SLC4A4: variants seen among roughly 807,000 people sequenced by gnomAD.
SLC4A4 encodes electrogenic sodium bicarbonate cotransporter 1.
SLC4A4 carries 27 observed loss-of-function variants against 111.5 expected under a neutral mutation model. The ratio of observed to expected loss-of-function variants is 0.24; its 90% CI spans 0.18 to 0.33. SLC4A4 has a LOEUF of 0.33. Among genes scored for constraint, SLC4A4 ranks in the 10% least tolerant of loss-of-function variants. The probability of loss-of-function intolerance (pLI) is 1.00; values close to 1 mark genes in which losing one functional copy is unlikely to be tolerated. For missense variants in SLC4A4, 909 were observed against 1,315.5 expected, an observed-to-expected ratio of 0.69 and a Z score of 4.78; for synonymous variants, 443 against 463.4, an observed-to-expected ratio of 0.96 and a Z score of 0.57.
chr4:71,311,371 C>A (rs1274321898), intron 3 of SLC4A4, among the ~76,000 whole-genome samples: 1 of 152,098 alleles, frequency 6.6e-6, no homozygotes, highest in Non-Finnish European at 1.5e-5. Context: ...AACTCTCCAC[C>A]CCAAATTAAC....
At chr4:71,434,615 A>G (rs1038656763) in intron 7 of SLC4A4, 4 of 152,150 alleles carry the variant, frequency 2.6e-5, no homozygotes, top group African/African-American at 9.7e-5. Context: ...GATTATTCAA[A>G]GAGGAAGTCA....
At chr4:71,102,974 G>T (rs1742803873) in intron 2 of SLC4A4, among the ~76,000 whole-genome samples, 1 of 149,170 alleles carries the variant, frequency 6.7e-6, no homozygotes, top group Non-Finnish European at 1.5e-5. Context: ...ACACAGACTG[G>T]CAAATTGGAT....
chr4:71,374,649 TATAA>T (rs1186512876), intron 6 of SLC4A4, among the ~76,000 whole-genome samples: 1 of 152,206 alleles, frequency 6.6e-6, no homozygotes, highest in Non-Finnish European at 1.5e-5. Flanking sequence ...TTTAGACAAC[TATAA>T]ATAGAGAAAA....
At chr4:71,295,427 T>G (rs922935586) in intron 3 of SLC4A4, among the ~76,000 whole-genome samples, 3 of 152,166 alleles carry the variant, frequency 2.0e-5, no homozygotes, top group African/African-American at 7.2e-5. Context: ...CAGAAGAAAT[T>G]TTCAGAGGTT....
chr4:71,361,689 C>A (rs2148919042), intron 6 of SLC4A4, among the ~76,000 whole-genome samples: 1 of 152,254 alleles, frequency 6.6e-6, no homozygotes, highest in Middle Eastern at 3.4e-3. Flanking sequence ...TCAGCAATTT[C>A]ATATGATTCT....
chr4:71,193,727 T>C (rs1745859673), intron 1 of SLC4A4, among the ~76,000 whole-genome samples: 1 of 152,226 alleles, frequency 6.6e-6, no homozygotes, highest in Non-Finnish European at 1.5e-5. Context: ...TCTACACTTT[T>C]TCGTAAAGTA....
At chr4:71,214,207 C>G (rs1456578306) in intron 1 of SLC4A4, among the ~76,000 whole-genome samples, 1 of 152,158 alleles carries the variant, frequency 6.6e-6, no homozygotes, top group Non-Finnish European at 1.5e-5. Context: ...GGCCTCCTAA[C>G]TTGGTTTACA....
At chr4:71,350,419 C>A (rs1164836679) in intron 5 of SLC4A4, among the ~76,000 whole-genome samples, 1 of 151,500 alleles carries the variant, frequency 6.6e-6, no homozygotes, top group Non-Finnish European at 1.5e-5. Flanking sequence ...ACTCTGTTGC[C>A]CAGGCTGGAG....
chr4:71,098,670 C>T (rs979566540), intron 2 of SLC4A4, among the ~76,000 whole-genome samples: 1 of 152,040 alleles, frequency 6.6e-6, no homozygotes, highest in Non-Finnish European at 1.5e-5. Flanking sequence ...TGCATAGTGG[C>T]AAGCTAGATA....
rs558652833 is a variant in SLC4A4, at chr4:71,433,850, A to T, written c.808-6766A>T. Among the ~76,000 whole-genome samples the T allele has an allele frequency of 3.3e-5, 5 of 152,224 alleles. No individual in the cohort carries two copies. In the South Asian group the frequency reaches 1.0e-3, roughly 32 times the overall value. On this transcript the variant is annotated intron_variant, in intron 7 of 25. Transcript: ENST00000264485. ...GCAGAGATATTTATAACTGCCAAAT[A>T]GTAGGATGTATAAGTTGTGGTATAT...
chr4:71,348,313 TCACACACACACA>T (rs35326504), intron 4 of SLC4A4, among the ~76,000 whole-genome samples: 74 of 143,834 alleles, frequency 5.1e-4, no homozygotes, highest in African/African-American at 1.6e-3. Context: ...ACTAATTTAG[TCACACACACACA>T]CACACACACA....
chr4:71,159,367 A>AT (rs1208959757), intron 2 of SLC4A4, among the ~76,000 whole-genome samples: 2 of 151,748 alleles, frequency 1.3e-5, no homozygotes, highest in Admixed American at 6.6e-5. Context: ...TAAATATTTT[A>AT]TTTTTTTTAA....
At position 71,106,344 on chromosome 4, in the gene SLC4A4, C is replaced by A. The variant is rs969294949; in HGVS notation, c.-2+13552C>A. ...TTGGTGGGATTGTAAACTAGTTCAA[C>A]CGTTGTGGAAGTCAGTGTGGCGACT... On this transcript the variant is annotated intron_variant, in intron 2 of 26. Transcript: ENST00000649996. Among the ~76,000 whole-genome samples, 3 of 151,264 alleles carry A rather than the reference C, an allele frequency of 2.0e-5. No homozygotes were observed. The South Asian group carries it at 6.3e-4, about 32-fold the overall frequency.
At chr4:71,162,038 T>C (rs1744627539) in intron 2 of SLC4A4, among the ~76,000 whole-genome samples, 1 of 152,206 alleles carries the variant, frequency 6.6e-6, no homozygotes, top group Non-Finnish European at 1.5e-5. Flanking sequence ...CTAGTGCTTA[T>C]TTTCATGCCA....
chr4:71,505,179 T>C (rs1393147044), intron 16 of SLC4A4, among the ~76,000 whole-genome samples: 5 of 152,200 alleles, frequency 3.3e-5, no homozygotes, highest in African/African-American at 4.8e-5. Context: ...TGAATAGTGC[T>C]GCAGTGAATA....
At chr4:71,157,176 T>C (rs1414840441) in intron 2 of SLC4A4, among the ~76,000 whole-genome samples, 1 of 152,158 alleles carries the variant, frequency 6.6e-6, no homozygotes, top group African/African-American at 2.4e-5. Context: ...TAAGAATTCT[T>C]GAGGCAAAGT....
chr4:71,136,314 C>G (rs776529915), intron 2 of SLC4A4, among the ~76,000 whole-genome samples: 13 of 152,218 alleles, frequency 8.5e-5, no homozygotes, highest in Non-Finnish European at 1.6e-4. Context: ...TCATGCATAG[C>G]TGAATGCTTT....
chr4:71,345,798 A>T (rs969551250), intron 4 of SLC4A4, among the ~76,000 whole-genome samples: 3 of 152,106 alleles, frequency 2.0e-5, no homozygotes, highest in Non-Finnish European at 2.9e-5. Context: ...TCTGTAAGAA[A>T]AAGACTCAAG....
intron 1 of SLC4A4, among the ~76,000 whole-genome samples, chr4:71,211,581 G>C (rs561248037): frequency 2.6e-5 from 4 of 152,112 alleles, no homozygotes; most frequent in African/African-American, 9.7e-5. Flanking sequence ...TTTTAAAAAT[G>C]TGGGTATGTT....
Sources: gnomAD v4.1 joint callset for allele counts (sites outside exome capture counted in the v4.1 genomes callset) on GRCh38, gnomAD v4.1.1 for gene constraint, MANE v1.5 for transcripts, NCBI Gene and HGNC (gene_info 2026-07-23, HGNC 2026-07-21) for gene names.